Variants in PAK1 observed in about 807,000 individuals in gnomAD.
PAK1 encodes the protein serine/threonine-protein kinase PAK 1.
Under a neutral mutation model 67.4 loss-of-function variants are expected in PAK1, and 29 were observed. The ratio of observed to expected loss-of-function variants is 0.43; its 90% confidence interval spans 0.32 to 0.59. The LOEUF (loss-of-function observed/expected upper bound fraction) is 0.59, where lower values mean the gene tolerates loss of function less well. Ranked by LOEUF, PAK1 falls within the 20% of genes least tolerant of loss-of-function variation. The probability of loss-of-function intolerance (pLI) is 0.07; values close to 1 mark genes in which losing one functional copy is unlikely to be tolerated. For synonymous variants in PAK1, 223 were observed against 237.4 expected (o/e 0.94, Z 0.56); for missense variants, 337 against 670.7 (o/e 0.50, Z 5.50).
the PAK1 span, among the ~76,000 whole-genome samples, chr11:77,512,805 G>T: frequency 4.6e-5 from 7 of 152,062 alleles, no homozygotes; most frequent in Admixed American, 3.3e-4. Context: ...AGAAAATAAG[G>T]TTCCCAGGCC....
chr11:77,488,073 AC>A, the PAK1 span, among the ~76,000 whole-genome samples: 4 of 152,328 alleles, frequency 2.6e-5, no homozygotes, highest in South Asian at 4.1e-4. Flanking sequence ...GGCTCAGCAT[AC>A]AGAGAGAGAC....
the PAK1 span, among the ~76,000 whole-genome samples, chr11:77,488,058 C>T: frequency 1.3e-5 from 2 of 152,240 alleles, no homozygotes; most frequent in African/African-American, 4.8e-5. Flanking sequence ...CTTCCAGCTC[C>T]AGGTGGCTCA....
At chr11:77,388,936 CT>C (rs1248257728) in intron 2 of PAK1, among the ~76,000 whole-genome samples, 5 of 152,194 alleles carry the variant, frequency 3.3e-5, no homozygotes, top group African/African-American at 1.2e-4. Context: ...ATGTAATTCA[CT>C]TACCAAACAA....
intron 1 of PAK1, among the ~76,000 whole-genome samples, chr11:77,456,699 C>T (rs1279189150): frequency 6.6e-6 from 1 of 151,960 alleles, no homozygotes; most frequent in Non-Finnish European, 1.5e-5. Context: ...TCATGTAATC[C>T]TAATAACAAA....
the PAK1 span, among the ~76,000 whole-genome samples, chr11:77,508,960 C>T: frequency 6.9e-6 from 1 of 144,646 alleles, no homozygotes; most frequent in Non-Finnish European, 1.5e-5. Flanking sequence ...GCGCCCGGCC[C>T]AGGGATTCTT....
At chr11:77,520,925 AC>A in the PAK1 span, among the ~76,000 whole-genome samples, 1 of 152,178 alleles carries the variant, frequency 6.6e-6, no homozygotes, top group Non-Finnish European at 1.5e-5. Flanking sequence ...ACAGGGTGCC[AC>A]CCATGGGTGT....
At chr11:77,386,423 G>A (rs1374016555) in intron 2 of PAK1, among the ~76,000 whole-genome samples, 2 of 152,180 alleles carry the variant, frequency 1.3e-5, no homozygotes, top group East Asian at 3.8e-4. Context: ...ACTAAATGCT[G>A]AAAGACTTCT....
chr11:77,393,762 G>C (rs1484077796), intron 1 of PAK1, among the ~76,000 whole-genome samples: 1 of 152,190 alleles, frequency 6.6e-6, no homozygotes, highest in African/African-American at 2.4e-5. Context: ...CAGCACTTTG[G>C]GAGGCAAAGG....
intron 14 of PAK1, among the ~76,000 whole-genome samples, chr11:77,326,579 G>A (rs1472275693): frequency 6.6e-6 from 1 of 152,154 alleles, no homozygotes; most frequent in Non-Finnish European, 1.5e-5. Context: ...CAGCTACTCT[G>A]GAGGCTGAAG....
chr11:77,393,180 T>C (rs1378220333), intron 1 of PAK1, among the ~76,000 whole-genome samples: 1 of 151,958 alleles, frequency 6.6e-6, no homozygotes, highest in Non-Finnish European at 1.5e-5. Context: ...ACTTACATTA[T>C]TTACTATCTT....
intron 1 of PAK1, among the ~76,000 whole-genome samples, chr11:77,398,002 T>C (rs577596514): frequency 3.1e-4 from 47 of 152,220 alleles, no homozygotes; most frequent in Non-Finnish European, 6.0e-4. Flanking sequence ...ATAGTAGTTG[T>C]ATATATTTAT....
At chr11:77,339,569 C>G (rs999197786) in intron 11 of PAK1, among the ~76,000 whole-genome samples, 6 of 152,064 alleles carry the variant, frequency 3.9e-5, no homozygotes, top group African/African-American at 1.4e-4. Flanking sequence ...TGTGAACATT[C>G]TAGATCCCAA....
intron 1 of PAK1, among the ~76,000 whole-genome samples, chr11:77,421,059 TG>T (rs1955234151): frequency 6.6e-6 from 1 of 152,230 alleles, no homozygotes; most frequent in African/African-American, 2.4e-5. Flanking sequence ...AAAATCTTCC[TG>T]TGGCTTCCCC....
At chr11:77,420,422 A>T (rs1450024403) in intron 1 of PAK1, among the ~76,000 whole-genome samples, 2 of 152,204 alleles carry the variant, frequency 1.3e-5, no homozygotes, top group Non-Finnish European at 2.9e-5. Context: ...AGACAATAGG[A>T]GACAAAGCTG....
chr11:77,369,739 A>T (rs942289606), intron 5 of PAK1, among the ~76,000 whole-genome samples: 1 of 151,914 alleles, frequency 6.6e-6, no homozygotes, highest in Admixed American at 6.6e-5. Flanking sequence ...TGAGCACCGC[A>T]CCCAGCCATA....
At chr11:77,481,520 C>T in the PAK1 span, among the ~76,000 whole-genome samples, 2 of 151,782 alleles carry the variant, frequency 1.3e-5, no homozygotes, top group Non-Finnish European at 2.9e-5. Context: ...ACTAAAAATA[C>T]AAAAATTAGC....
At chr11:77,333,614 A>G (rs774840213) in intron 13 of PAK1, among the ~76,000 whole-genome samples, 22 of 152,190 alleles carry the variant, frequency 1.4e-4, no homozygotes, top group African/African-American at 2.2e-4. Flanking sequence ...TCAGTCATCC[A>G]AGAACTGATC....
At chr11:77,409,523 T>C (rs185784424) in intron 1 of PAK1, among the ~76,000 whole-genome samples, 8 of 152,196 alleles carry the variant, frequency 5.3e-5, no homozygotes, top group African/African-American at 1.2e-4. Context: ...CTATTCATAA[T>C]AGCCAAAATG....
At chr11:77,410,174 G>C (rs529728573) in intron 1 of PAK1, among the ~76,000 whole-genome samples, 10 of 152,062 alleles carry the variant, frequency 6.6e-5, no homozygotes, top group Non-Finnish European at 1.3e-4. Context: ...ACAGCTGCCA[G>C]AGTTTCTGGT....
Sources: allele counts gnomAD v4.1 joint callset (sites outside exome capture counted in the v4.1 genomes callset), GRCh38; gene constraint gnomAD v4.1.1; transcripts MANE v1.5; gene names NCBI Gene and HGNC (gene_info 2026-07-23, HGNC 2026-07-21).